Variants in NELL2 observed in about 807,000 individuals in gnomAD.
The protein encoded by NELL2 is protein kinase C-binding protein NELL2.
NELL2 carries 41 observed loss-of-function variants against 109.6 expected under a neutral mutation model. The observed-to-expected ratio is 0.37, with a 90% CI of 0.29 to 0.49. The LOEUF (loss-of-function observed/expected upper bound fraction) is 0.49, where lower values mean the gene tolerates loss of function less well. NELL2 is among the 20% of genes least tolerant of loss of function. The pLI is 0.98. For synonymous variants in NELL2, 355 were observed against 344.7 expected (o/e 1.03, Z -0.33); for missense variants, 900 against 1,008.3 (o/e 0.89, Z 1.45).
At chr12:44,566,491 T>C (rs764791176) in intron 15 of NELL2, among the ~76,000 whole-genome samples, 6 of 151,440 alleles carry the variant, frequency 4.0e-5, no homozygotes, top group Non-Finnish European at 8.8e-5. Context: ...ACAAAGTTCA[T>C]ATGTGCTTTT....
intron 9 of NELL2, among the ~76,000 whole-genome samples, chr12:44,729,564 T>TA (rs71435985): frequency 9.2e-4 from 57 of 62,182 alleles, no homozygotes; most frequent in Middle Eastern, 6.8e-3. Context: ...CTGAATGAAT[T>TA]AAAAAAAAAA....
At chr12:44,559,285 A>G (rs559367578) in intron 15 of NELL2, among the ~76,000 whole-genome samples, 255 of 152,302 alleles carry the variant, frequency 1.7e-3, no homozygotes, top group African/African-American at 5.9e-3. Context: ...GGGCAAAATA[A>G]CCAGCTAGCA....
intron 13 of NELL2, among the ~76,000 whole-genome samples, chr12:44,644,274 TGACA>T (rs1174888548): frequency 2.6e-5 from 4 of 152,066 alleles, no homozygotes; most frequent in South Asian, 4.1e-4. Context: ...CTAGCAGGAC[TGACA>T]GACAGTGAGT....
intron 2 of NELL2, among the ~76,000 whole-genome samples, chr12:44,856,833 A>T (rs1032443136): frequency 3.3e-5 from 5 of 152,208 alleles, no homozygotes; most frequent in Non-Finnish European, 5.9e-5. Context: ...AAGCAGTGAC[A>T]TGATATGTAT....
intron 3 of NELL2, among the ~76,000 whole-genome samples, chr12:44,802,059 T>C (rs999505021): frequency 1.3e-5 from 2 of 152,118 alleles, no homozygotes; most frequent in African/African-American, 4.8e-5. Context: ...ACAAGGCATG[T>C]TTGTACCGTT....
intron 9 of NELL2, among the ~76,000 whole-genome samples, chr12:44,726,284 T>A (rs1459093585): frequency 6.6e-6 from 1 of 152,192 alleles, no homozygotes; most frequent in East Asian, 1.9e-4. Flanking sequence ...CTAGATGTAT[T>A]TCTTTAAGTT....
intron 10 of NELL2, among the ~76,000 whole-genome samples, chr12:44,712,480 C>T (rs951355527): frequency 2.0e-5 from 3 of 152,054 alleles, no homozygotes; most frequent in Admixed American, 1.3e-4. Flanking sequence ...ATGAAAGTCA[C>T]AGACCCCTAG....
intron 1 of NELL2, chr12:44,875,576 T>G: frequency 1.2e-6 from 2 of 1,613,098 alleles, no homozygotes; most frequent in Admixed American, 1.7e-5. Flanking sequence ...TTTAAACCCT[T>G]CTCTCTGCAA....
intron 15 of NELL2, among the ~76,000 whole-genome samples, chr12:44,589,208 TTC>T (rs1186307325): frequency 5.3e-5 from 8 of 152,132 alleles, no homozygotes; most frequent in Non-Finnish European, 1.0e-4. Context: ...TGAAAATTCT[TTC>T]TGAGTTCTAA....
At chr12:44,920,813 C>T (rs908617095) in intron 1 of NELL2, among the ~76,000 whole-genome samples, 2 of 152,092 alleles carry the variant, frequency 1.3e-5, no homozygotes, top group South Asian at 4.1e-4. Flanking sequence ...AGAGTACAAA[C>T]CAGTGCAAAT....
intron 3 of NELL2, among the ~76,000 whole-genome samples, chr12:44,791,913 T>C (rs777690374): frequency 6.6e-5 from 10 of 151,200 alleles, no homozygotes; most frequent in Non-Finnish European, 1.5e-4. Flanking sequence ...TAGACCACAC[T>C]GAAAGCCAGG....
At chr12:44,688,134 A>C (rs2136389468) in intron 12 of NELL2, among the ~76,000 whole-genome samples, 1 of 152,340 alleles carries the variant, frequency 6.6e-6, no homozygotes, top group South Asian at 2.1e-4. Flanking sequence ...AGAACAAATT[A>C]CACATATTCT....
intron 13 of NELL2, among the ~76,000 whole-genome samples, chr12:44,644,580 G>GTATATATATATATATATATATGTATA (rs1946989337): frequency 2.4e-5 from 2 of 84,392 alleles, no homozygotes; most frequent in Non-Finnish European, 4.6e-5. Context: ...ACAAAGTAAA[G>GTATATATATATATATATATATGTATA]TATATATATA....
chr12:44,844,788 T>G (rs866186479), intron 2 of NELL2, among the ~76,000 whole-genome samples: 1 of 152,202 alleles, frequency 6.6e-6, no homozygotes, highest in Non-Finnish European at 1.5e-5. Context: ...TAGGAAGTAG[T>G]CATTTCTGGA....
intron 7 of NELL2, 29 bp from the exon 8 acceptor site, chr12:44,776,179 T>G: frequency 6.2e-7 from 1 of 1,608,472 alleles, no homozygotes; most frequent in Non-Finnish European, 8.5e-7. Context: ...GGTTTTACAT[T>G]GTTCATCCTT....
intron 13 of NELL2, among the ~76,000 whole-genome samples, chr12:44,659,648 T>A (rs993394868): frequency 6.6e-6 from 1 of 151,998 alleles, no homozygotes; most frequent in African/African-American, 2.4e-5. Flanking sequence ...AAATTCAACA[T>A]CAACCATGTT....
chr12:44,829,815 C>T (rs1201200209), intron 2 of NELL2, among the ~76,000 whole-genome samples: 6 of 152,034 alleles, frequency 3.9e-5, no homozygotes, highest in African/African-American at 1.4e-4. Context: ...CACACATATA[C>T]TTAGCGTTTG....
At chr12:44,715,423 C>A (rs186961728) in intron 9 of NELL2, among the ~76,000 whole-genome samples, 1 of 151,424 alleles carries the variant, frequency 6.6e-6, no homozygotes, top group Non-Finnish European at 1.5e-5. Context: ...TTTTCTAAAA[C>A]CTGCAACATA....
intron 2 of NELL2, among the ~76,000 whole-genome samples, chr12:44,854,350 GCAGGATAT>G (rs1259551193): frequency 6.6e-6 from 1 of 152,132 alleles, no homozygotes; most frequent in Non-Finnish European, 1.5e-5. Context: ...GGAGTAAAGG[GCAGGATAT>G]CTCTCAGTAG....
Sources: allele counts gnomAD v4.1 joint callset (sites outside exome capture counted in the v4.1 genomes callset), GRCh38; gene constraint gnomAD v4.1.1; transcripts MANE v1.5; gene names NCBI Gene and HGNC (gene_info 2026-07-23, HGNC 2026-07-21).